Variants in SKAP1 observed in about 807,000 individuals in gnomAD.
SKAP1 encodes src kinase associated phosphoprotein 1.
A neutral mutation model predicts 58.5 loss-of-function variants in SKAP1; 44 were observed. That is an observed-to-expected ratio of 0.75 (90% CI 0.59 to 0.97). The LOEUF (loss-of-function observed/expected upper bound fraction) is 0.97. SKAP1 is among the 50% of genes least tolerant of loss of function. The probability of loss-of-function intolerance (pLI) is 0.00; values close to 1 mark genes in which losing one functional copy is unlikely to be tolerated. For missense variants in SKAP1, 390 were observed against 435.2 expected, an observed-to-expected ratio of 0.90 and a Z score of 0.92; for synonymous variants, 127 against 149.7, an observed-to-expected ratio of 0.85 and a Z score of 1.11.
intron 4 of SKAP1, among the ~76,000 whole-genome samples, chr17:48,343,397 G>A (rs943046788): frequency 6.6e-6 from 1 of 152,022 alleles, no homozygotes; most frequent in African/African-American, 2.4e-5. Flanking sequence ...CATTTATTGT[G>A]CCTGTTATGT....
At position 48,367,561 on chromosome 17, in the gene SKAP1, C is replaced by CATATATATATATATGGATATATATCCAT. The variant is rs1555620097; in HGVS notation, c.153-3748_153-3747insATGGATATATATCCATATATATATATAT. Among the ~76,000 whole-genome samples, 442 of 142,140 alleles carry CATATATATATATATGGATATATATCCAT rather than the reference C, an allele frequency of 3.1e-3. 2 individuals are homozygous for CATATATATATATATGGATATATATCCAT. The highest frequency in any genetic ancestry group is 8.4e-3 in the African/African-American group (326 of 38,774). The allele number at this position is 142,140 out of a possible 152,430, so 93.2% of individuals were successfully genotyped here. On this transcript the variant is annotated intron_variant, in intron 2 of 12. Coordinates refer to ENST00000336915, the MANE Select transcript of SKAP1 (RefSeq NM_003726.4). Reference sequence around the variant, plus strand: ...GTATATATATATATGGATATATATCCATATATATATATATATAATCATACT... The same window carrying CATATATATATATATGGATATATATCCAT: ...GTATATATATATATGGATATATATCCATATATATATATATGGATATATATCCATATATATATATATATATAATCATACT...
At chr17:48,415,887 A>G (rs2067726515) in intron 1 of SKAP1, among the ~76,000 whole-genome samples, 1 of 152,236 alleles carries the variant, frequency 6.6e-6, no homozygotes, top group African/African-American at 2.4e-5. Context: ...CACTCCCCCA[A>G]CTAACAAGAG....
rs143312997 is a variant in SKAP1, at chr17:48,244,146, T to C, written c.281-54646A>G. On this transcript the variant is annotated intron_variant, in intron 4 of 12. Coordinates refer to ENST00000336915, the MANE Select transcript of SKAP1 (RefSeq NM_003726.4). The stretch of plus-strand genomic sequence containing the variant: ...GACCAGAGCTAATGTGGTTCTGCTT[T>C]CAGTGTGGATAATGTTTAAGGAAGT... 4.0e-3 allele frequency among the ~76,000 whole-genome samples: 616 copies of C among 152,332 alleles called. 5 individuals are homozygous for C. The highest frequency in any genetic ancestry group is 0.014 in the African/African-American group (580 of 41,572).
chr17:48,400,888 G>A (rs186921028), intron 1 of SKAP1, among the ~76,000 whole-genome samples: 15 of 152,252 alleles, frequency 9.9e-5, no homozygotes, highest in Middle Eastern at 3.4e-3. Context: ...TCCCCAAACT[G>A]ATCTAAAGCT....
chr17:48,171,734 A>AGTGTGTGTGTGTGTGT lies in SKAP1; in HGVS notation c.827-1091_827-1076dup, dbSNP rs3221423. ...AAGCATTCTAGAGTTAGGATGTTAG[A>AGTGTGTGTGTGTGTGT]GTGTGTGTGTGTGTGTGTGTGTGTG... On this transcript the variant is annotated intron_variant, in intron 9 of 12. Coordinates refer to ENST00000336915, the MANE Select transcript of SKAP1 (RefSeq NM_003726.4). Among the ~76,000 whole-genome samples the AGTGTGTGTGTGTGTGT allele has an allele frequency of 7.6e-3, 1,133 of 149,070 alleles. 14 individuals are homozygous for AGTGTGTGTGTGTGTGT. The highest frequency in any genetic ancestry group is 0.024 in the African/African-American group (972 of 40,360).
chr17:48,285,614 GA>G (rs11356632), intron 4 of SKAP1, among the ~76,000 whole-genome samples: 24,764 of 128,368 alleles, frequency 0.19, 2,106 homozygotes, highest in Middle Eastern at 0.25. Context: ...GACTCCATCT[GA>G]AAAAAAAAAA....
At chr17:48,236,650 AACTGAG>A (rs2065184388) in intron 4 of SKAP1, among the ~76,000 whole-genome samples, 2 of 152,344 alleles carry the variant, frequency 1.3e-5, no homozygotes, top group South Asian at 4.1e-4. Flanking sequence ...ATAGGATGTT[AACTGAG>A]ACTGCGAAGT....
At chr17:48,424,382 C>T (rs1210644468) in intron 1 of SKAP1, among the ~76,000 whole-genome samples, 1 of 151,722 alleles carries the variant, frequency 6.6e-6, no homozygotes, top group Non-Finnish European at 1.5e-5. Flanking sequence ...CCCGCCACCA[C>T]GCCCAGCTAA....
chr17:48,376,735 A>G (rs1169029045), intron 2 of SKAP1, among the ~76,000 whole-genome samples: 1 of 152,242 alleles, frequency 6.6e-6, no homozygotes, highest in African/African-American at 2.4e-5. Context: ...TGAGGGACTA[A>G]GAGCACAGAA....
chr17:48,282,424 C>G (rs528996187), intron 4 of SKAP1, among the ~76,000 whole-genome samples: 1 of 152,234 alleles, frequency 6.6e-6, no homozygotes, highest in Non-Finnish European at 1.5e-5. Context: ...CTATCCTTCA[C>G]CCTGTTCCCT....
At chr17:48,413,064 A>T (rs1034193994) in intron 1 of SKAP1, among the ~76,000 whole-genome samples, 2 of 151,792 alleles carry the variant, frequency 1.3e-5, no homozygotes, top group East Asian at 3.9e-4. Context: ...TAACCAAAAA[A>T]AAAAACCATA....
chr17:48,234,281 G>T (rs1466802820), intron 4 of SKAP1, among the ~76,000 whole-genome samples: 1 of 152,138 alleles, frequency 6.6e-6, no homozygotes, highest in Non-Finnish European at 1.5e-5. Flanking sequence ...AAAATATCCA[G>T]ACTACTTTAA....
chr17:48,242,344 G>A (rs986104665), intron 4 of SKAP1, among the ~76,000 whole-genome samples: 3 of 152,150 alleles, frequency 2.0e-5, no homozygotes, highest in African/African-American at 7.2e-5. Flanking sequence ...CCCAGCACAT[G>A]GGCCTAAACT....
intron 2 of SKAP1, among the ~76,000 whole-genome samples, chr17:48,380,912 T>A (rs2067206327): frequency 6.6e-6 from 1 of 152,236 alleles, no homozygotes; most frequent in Admixed American, 6.5e-5. Context: ...TTGAAGCATA[T>A]ATCCATAGAA....
intron 4 of SKAP1, among the ~76,000 whole-genome samples, chr17:48,342,497 C>T (rs2066666449): frequency 7.9e-6 from 1 of 127,246 alleles, no homozygotes; most frequent in Non-Finnish European, 1.6e-5. Flanking sequence ...ATTCTTCTAG[C>T]ACTCTTTGTA....
chr17:48,372,318 A>AT, intron 2 of SKAP1, among the ~76,000 whole-genome samples: 1 of 149,246 alleles, frequency 6.7e-6, no homozygotes, highest in East Asian at 2.0e-4. Flanking sequence ...TTATTTATTC[A>AT]TTTTTGAGAC....
intron 7 of SKAP1, 89 bp from the exon 8 acceptor site, chr17:48,182,546 G>A: frequency 1.2e-6 from 1 of 864,168 alleles, no homozygotes; most frequent in Non-Finnish European, 1.9e-6. Context: ...GAACCACTGA[G>A]TTTCAGAGTC....
chr17:48,393,395 G>A (rs918844118), intron 2 of SKAP1, among the ~76,000 whole-genome samples: 2 of 152,062 alleles, frequency 1.3e-5, no homozygotes, highest in Non-Finnish European at 2.9e-5. Context: ...TTGTTTCTAA[G>A]TCTAAAAACA....
intron 4 of SKAP1, among the ~76,000 whole-genome samples, chr17:48,289,713 G>T (rs1028384628): frequency 2.6e-4 from 39 of 152,068 alleles, no homozygotes; most frequent in African/African-American, 9.4e-4. Context: ...GTTGTAATCT[G>T]TAGTCATTAT....
Sources: gnomAD v4.1 joint callset for allele counts (sites outside exome capture counted in the v4.1 genomes callset) on GRCh38, gnomAD v4.1.1 for gene constraint, MANE v1.5 for transcripts, NCBI Gene and HGNC (gene_info 2026-07-23, HGNC 2026-07-21) for gene names.